NPC1: variants seen among roughly 807,000 people sequenced by gnomAD.
The protein encoded by NPC1 is NPC intracellular cholesterol transporter 1.
Under a neutral mutation model 140.4 loss-of-function variants are expected in NPC1, and 85 were observed. The observed-to-expected ratio is 0.61, with a 90% confidence interval of 0.51 to 0.72. NPC1 has a LOEUF of 0.72. Ranked by LOEUF, NPC1 falls within the 30% of genes least tolerant of loss-of-function variation. NPC1 has a pLI of 0.00. For synonymous variants in NPC1, 656 were observed against 624.8 expected (o/e 1.05, Z -0.74); for missense variants, 1,504 against 1,623.8 (o/e 0.93, Z 1.27).
rs146157118 is a variant in NPC1 at position 23,563,113 on chromosome 18, C to T, written c.464-1586G>A. 4.4e-3 allele frequency among the ~76,000 whole-genome samples: 671 copies of T among 152,294 alleles called. 4 individuals are homozygous for T. The highest frequency in any genetic ancestry group is 0.015 in the African/African-American group (643 of 41,558). On this transcript the variant is annotated intron_variant, in intron 4 of 24. Transcript: ENST00000269228. ...ACTATTTCAGACAGTTCACATAAATCCAATCATATAATATGTGGTCTTTCA... is the reference window on the plus strand; with the variant it reads ...ACTATTTCAGACAGTTCACATAAATTCAATCATATAATATGTGGTCTTTCA...
chr18:23,539,574 C>A, intron 18 of NPC1, 104 bp from the exon 19 acceptor site: 1 of 865,174 alleles, frequency 1.2e-6, no homozygotes, highest in Non-Finnish European at 1.8e-6. Flanking sequence ...TTTTATACTG[C>A]TAACAGTCAA....
At chr18:23,573,357 C>T in intron 2 of NPC1, 95 bp downstream of exon 2, 1 of 1,556,102 alleles carries the variant, frequency 6.4e-7, no homozygotes, top group Non-Finnish European at 8.9e-7. Flanking sequence ...TTAGTCTCAT[C>T]TCCACCTCCA....
downstream of NPC1, among the ~76,000 whole-genome samples, chr18:23,527,589 C>CTTTTTTTTTTTTTTTTTTTTTTTTTTTTT (rs71163615): frequency 9.2e-6 from 1 of 108,370 alleles, no homozygotes; most frequent in African/African-American, 3.6e-5. Context: ...CCTGCTATAG[C>CTTTTTTTTTTTTTTTTTTTTTTTTTTTTT]TTTTTTTTTT....
Position 23,550,479 on chromosome 18 carries a change from C to CTTCTTTTTTTTTTTTTTTTTTTTTTTT in NPC1, c.1654+1147_1654+1148insAAAAAAAAAAAAAAAAAAAAAAAAGAA, listed in dbSNP as rs746388624. Among the ~76,000 whole-genome samples the CTTCTTTTTTTTTTTTTTTTTTTTTTTT allele has an allele frequency of 2.5e-4, 19 of 74,922 alleles. 1 individual carries two copies. The highest frequency in any genetic ancestry group is 1.2e-3 in the African/African-American group (19 of 15,400). The allele number at this position is 74,922 out of a possible 152,430, so 49.2% of individuals were successfully genotyped here. ...GAATTTTCTTCCAGTTCTTACATTT[C>CTTCTTTTTTTTTTTTTTTTTTTTTTTT]TTTTTTTTTTTTTTTTTTTTGAGAT... On this transcript the variant is annotated intron_variant, in intron 10 of 24. Transcript: ENST00000269228.
rs546594330 is a variant in NPC1, at chr18:23,565,522, A to T, written c.463+3301T>A. The stretch of plus-strand genomic sequence containing the variant: ...AAGCGAGCGCCACCACGCCCAGCTA[A>T]TTTTTATATTTTTAGTAGAGATGGG... On this transcript the variant is annotated intron_variant, in intron 4 of 24. Coordinates refer to ENST00000269228, the MANE Select transcript of NPC1 (RefSeq NM_000271.5). Among the ~76,000 whole-genome samples, 215 of 152,164 alleles carry T rather than the reference A, an allele frequency of 1.4e-3. 1 individual carries two copies. The highest frequency in any genetic ancestry group is 6.8e-3 in the Middle Eastern group (2 of 294).
intron 21 of NPC1, among the ~76,000 whole-genome samples, chr18:23,536,043 C>T (rs184981177): frequency 6.6e-6 from 1 of 152,202 alleles, no homozygotes; most frequent in African/African-American, 2.4e-5. Context: ...TGAGACACTA[C>T]CTCAGGCTCA....
exon 2 of NPC1, chr18:23,522,557 C>G (rs1349202760): frequency 6.6e-6 from 1 of 152,352 alleles, no homozygotes; most frequent in Non-Finnish European, 1.5e-5. Flanking sequence ...TCTTCTTCTT[C>G]CTCTTAAGGC....
At chr18:23,527,644 C>T, downstream of NPC1, 14 of 220,604 alleles carry the variant, frequency 6.3e-5, no homozygotes, top group South Asian at 1.2e-4. Flanking sequence ...CGAATGACAT[C>T]TAGCTGTCAG....
intron 1 of NPC1, among the ~76,000 whole-genome samples, chr18:23,523,273 C>T (rs1202858736): frequency 6.6e-6 from 1 of 152,064 alleles, no homozygotes; most frequent in Non-Finnish European, 1.5e-5. Context: ...TCATGGTTAG[C>T]TTGTAGGGCT....
chr18:23,573,638 T>C, intron 1 of NPC1, 64 bp from the exon 2 acceptor site: 2 of 1,600,708 alleles, frequency 1.2e-6, no homozygotes, highest in Non-Finnish European at 1.7e-6. Context: ...CAACAAGAAG[T>C]GCCCACTCAA....
downstream of NPC1, chr18:23,530,282 T>G: frequency 6.2e-7 from 1 of 1,614,228 alleles, no homozygotes. Context: ...ATCAGCTATC[T>G]CTGGACATGC....
intron 12 of NPC1, 63 bp from the exon 13 acceptor site, chr18:23,544,589 A>G (rs2058758160): frequency 6.8e-7 from 1 of 1,465,812 alleles, no homozygotes; most frequent in African/African-American, 1.4e-5. Flanking sequence ...ACTTGTTACT[A>G]AAAGGTCCTC....
At chr18:23,571,934 T>A in intron 3 of NPC1, 140 bp downstream of exon 3, 1 of 296,424 alleles carries the variant, frequency 3.4e-6, no homozygotes. Flanking sequence ...TGTATACATA[T>A]ATGTATAAAT....
chr18:23,515,357 C>T (rs1475429216), intron 3 of NPC1, among the ~76,000 whole-genome samples: 1 of 152,172 alleles, frequency 6.6e-6, no homozygotes, highest in Non-Finnish European at 1.5e-5. Context: ...GCCTGCCTCT[C>T]AGTCGTGGCA....
At chr18:23,561,316 AAAC>A (rs2059034459) in intron 5 of NPC1, 41 bp downstream of exon 5, 1 of 1,609,662 alleles carries the variant, frequency 6.2e-7, no homozygotes, top group Non-Finnish European at 8.5e-7. Context: ...CTTGGCTTTA[AAAC>A]AATATCATAA....
downstream of NPC1, chr18:23,519,300 T>C: frequency 1.3e-6 from 1 of 781,974 alleles, no homozygotes; most frequent in South Asian, 1.6e-5. Context: ...GACAGATTGC[T>C]TGAGCCCAGG....
chr18:23,514,691 T>C (rs1264270918), intron 3 of NPC1, among the ~76,000 whole-genome samples: 1 of 152,254 alleles, frequency 6.6e-6, no homozygotes. Context: ...GGGAGTTCCC[T>C]ATGGTAATCA....
chr18:23,572,108 CTT>C lies in NPC1; in HGVS notation c.251_252del (p.Lys84ArgfsTer19). 1 of 1,613,878 alleles carries C rather than the reference CTT, an allele frequency of 6.2e-7. No individual in the cohort carries two copies. Among genetic ancestry groups the C allele is most frequent in the African/African-American group, 1.3e-5 (1 of 75,026 alleles). On this transcript the variant is annotated frameshift_variant, in exon 3 of 25. Coordinates refer to ENST00000269228, the MANE Select transcript of NPC1 (RefSeq NM_000271.5). LOFTEE classifies it high-confidence loss of function. ...AACTGTAGAGGCAGCTGCAGGTTGT[CTT>C]TTAGTGTCTGAAGCTGCCGAACATC... Reference protein sequence around the residue: ...CCDVRQLQTLKDNLQLPLQFL... With the variant: ...CCDVRQLQTLXDNLQLPLQFL...
In NPC1 at chr18:23,560,356, C is replaced by G. The variant is rs768008295; in HGVS notation, c.756G>C (p.Gln252His). 1.2e-6 allele frequency: 2 copies of G among 1,614,092 alleles called. No individual in the cohort carries two copies. Among genetic ancestry groups the G allele is most frequent in the African/African-American group, 2.7e-5 (2 of 74,938 alleles). Residue 252 changes from glutamine to histidine, a missense_variant, in exon 6 of 25, where the codon CAG (glutamine) becomes CAC (histidine). Gln to His is a conservative substitution (Grantham distance 24). Transcript: ENST00000269228. ...TCCAGGGAGCAGGAGGAGGTGGGGG[C>G]TGGGGCTTGGGGCCACAGACAATAG... ...DCSIVCGPKP[Q>H]PPPPPAPWTI... is the part of the protein sequence containing the mutation.
Sources: allele counts gnomAD v4.1 joint callset (sites outside exome capture counted in the v4.1 genomes callset), GRCh38; gene constraint gnomAD v4.1.1; transcripts MANE v1.5; gene names NCBI Gene and HGNC (gene_info 2026-07-23, HGNC 2026-07-21).